FRMPD4: variants seen among roughly 807,000 people sequenced by gnomAD.
The protein encoded by FRMPD4 is FERM and PDZ domain containing 4.
In FRMPD4, 22 loss-of-function variants were observed where a neutral mutation model predicts 94.1. That is an observed-to-expected ratio of 0.23 (90% CI 0.17 to 0.33). The LOEUF (loss-of-function observed/expected upper bound fraction) is 0.33. Ranked by LOEUF, FRMPD4 falls within the 10% of genes least tolerant of loss-of-function variation. The probability of loss-of-function intolerance (pLI) is 1.00; values close to 1 mark genes in which losing one functional copy is unlikely to be tolerated. For missense variants in FRMPD4, 1,111 were observed against 1,339.9 expected, an observed-to-expected ratio of 0.83 and a Z score of 2.67; for synonymous variants, 631 against 548.6, an observed-to-expected ratio of 1.15 and a Z score of -2.10.
At chrX:12,157,650 T>A (rs930472259) in intron 1 of FRMPD4, among the ~76,000 whole-genome samples, 4 of 112,220 alleles carry the variant, frequency 3.6e-5, no homozygotes, top group African/African-American at 1.3e-4. Flanking sequence ...TCCAGCCCTG[T>A]CAGAAGCCAG....
intron 1 of FRMPD4, among the ~76,000 whole-genome samples, chrX:12,459,850 T>C (rs2057373983): frequency 8.9e-6 from 1 of 112,061 alleles, no homozygotes; most frequent in African/African-American, 3.2e-5. Context: ...AAATATATGC[T>C]TGACTTCATG....
intron 2 of FRMPD4, among the ~76,000 whole-genome samples, chrX:12,514,591 A>G (rs2058077080): frequency 8.9e-6 from 1 of 111,785 alleles, no homozygotes; most frequent in Non-Finnish European, 1.9e-5. Flanking sequence ...AAGCTTTTTG[A>G]TGTGCTGCTG....
chrX:12,471,976 A>G lies in FRMPD4; in HGVS notation c.42-26704A>G, dbSNP rs1041600723. 3.6e-5 allele frequency among the ~76,000 whole-genome samples: 4 copies of G among 112,565 alleles called. No individual in the cohort carries two copies. In the Middle Eastern group the frequency reaches 0.014, roughly 389 times the overall value. ...AGAACAATAACTCAATCTACTGCTG[A>G]ACCCTAGTGCACAAATTAGCCACAG... On this transcript the variant is annotated intron_variant, in intron 1 of 16. Coordinates refer to ENST00000675598, the MANE Select transcript of FRMPD4 (RefSeq NM_001368397.1).
intron 13 of FRMPD4, 40 bp downstream of exon 13, chrX:12,707,691 C>T (rs2041905184): frequency 9.6e-6 from 10 of 1,042,063 alleles, no homozygotes; most frequent in Non-Finnish European, 1.3e-5. Flanking sequence ...TTGCTGTCAA[C>T]AGCTAATTTC....
chrX:12,541,615 A>G (rs1206920861), intron 2 of FRMPD4, among the ~76,000 whole-genome samples: 1 of 111,686 alleles, frequency 9.0e-6, no homozygotes, highest in Non-Finnish European at 1.9e-5. Flanking sequence ...ACCAACCAAA[A>G]AAAGTCCAGG....
At chrX:11,912,785 AAAAAAAAG>A in intron 3 of FRMPD4, among the ~76,000 whole-genome samples, 1 of 110,127 alleles carries the variant, frequency 9.1e-6, no homozygotes, top group East Asian at 2.8e-4. Context: ...GAATTACAAA[AAAAAAAAG>A]AAAAAAAGAA....
chrX:12,476,142 C>A (rs2057595069), intron 1 of FRMPD4, among the ~76,000 whole-genome samples: 1 of 111,178 alleles, frequency 9.0e-6, no homozygotes, highest in Non-Finnish European at 1.9e-5. Flanking sequence ...CAGAACAGAG[C>A]CCTCAGAAAT....
At chrX:12,400,417 A>G (rs1182473713) in intron 1 of FRMPD4, among the ~76,000 whole-genome samples, 6 of 112,030 alleles carry the variant, frequency 5.4e-5, no homozygotes. Flanking sequence ...ATTCATTTCA[A>G]TGGCTCCCCC....
At chrX:12,701,797 T>G (rs1323643380) in intron 9 of FRMPD4, 77 bp from the exon 10 acceptor site, 3 of 1,055,761 alleles carry the variant, frequency 2.8e-6, no homozygotes, top group Non-Finnish European at 3.9e-6. Context: ...TCGGGAAATG[T>G]ATGTCACCTG....
intron 4 of FRMPD4, among the ~76,000 whole-genome samples, chrX:12,670,443 C>G (rs2059828669): frequency 8.9e-6 from 1 of 111,872 alleles, no homozygotes; most frequent in Non-Finnish European, 1.9e-5. Flanking sequence ...CACCACACAT[C>G]TACAACCATC....
chrX:12,106,668 A>G (rs1052055973), intron 3 of FRMPD4, among the ~76,000 whole-genome samples: 1 of 111,603 alleles, frequency 9.0e-6, no homozygotes, highest in African/African-American at 3.3e-5. Flanking sequence ...GGAAGCAGTG[A>G]CAGAAGGCAC....
At chrX:12,271,763 T>G (rs773206503) in intron 1 of FRMPD4, among the ~76,000 whole-genome samples, 34 of 112,362 alleles carry the variant, frequency 3.0e-4, no homozygotes, top group South Asian at 7.5e-4. Context: ...GTCAGTATTA[T>G]ACCTTTTGTC....
chrX:12,159,269 G>A (rs2055984977), intron 1 of FRMPD4, among the ~76,000 whole-genome samples: 1 of 112,129 alleles, frequency 8.9e-6, no homozygotes, highest in Non-Finnish European at 1.9e-5. Flanking sequence ...TGGATGAGAA[G>A]GCTCACATGT....
chrX:12,071,096 C>G (rs768344477), intron 3 of FRMPD4, among the ~76,000 whole-genome samples: 3 of 111,569 alleles, frequency 2.7e-5, no homozygotes, highest in African/African-American at 6.5e-5. Context: ...CCATAAATAG[C>G]GCCAATAGAA....
At chrX:12,372,684 G>A (rs1389461509) in intron 1 of FRMPD4, among the ~76,000 whole-genome samples, 1 of 112,818 alleles carries the variant, frequency 8.9e-6, no homozygotes, top group African/African-American at 3.2e-5. Context: ...ATTGCCTTTT[G>A]CTATACAGGT....
intron 1 of FRMPD4, among the ~76,000 whole-genome samples, chrX:12,457,435 T>C (rs1452661047): frequency 8.9e-6 from 1 of 111,829 alleles, no homozygotes; most frequent in African/African-American, 3.2e-5. Flanking sequence ...AATCCTACGT[T>C]GCATTTATTA....
intron 3 of FRMPD4, among the ~76,000 whole-genome samples, chrX:11,901,135 G>T (rs1271821042): frequency 1.8e-5 from 2 of 111,720 alleles, no homozygotes; most frequent in African/African-American, 6.5e-5. Context: ...TGGGGGTACA[G>T]GTGGTTTTTT....
At chrX:12,030,439 G>C (rs941050946) in intron 3 of FRMPD4, among the ~76,000 whole-genome samples, 1 of 111,540 alleles carries the variant, frequency 9.0e-6, no homozygotes, top group African/African-American at 3.3e-5. Flanking sequence ...TCCCGATGCT[G>C]GTCATCAACT....
chrX:12,609,367 T>C (rs2059159076), intron 2 of FRMPD4, among the ~76,000 whole-genome samples: 1 of 111,768 alleles, frequency 8.9e-6, no homozygotes. Flanking sequence ...AACAAAGAAG[T>C]AGAAGGGCAT....
Sources: gnomAD v4.1 joint callset for allele counts (sites outside exome capture counted in the v4.1 genomes callset) on GRCh38, gnomAD v4.1.1 for gene constraint, MANE v1.5 for transcripts, NCBI Gene and HGNC (gene_info 2026-07-23, HGNC 2026-07-21) for gene names.